EML6: variants seen among roughly 807,000 people sequenced by gnomAD.
The protein encoded by EML6 is EMAP like 6, also known as echinoderm microtubule-associated protein-like 6.
EML6 carries 154 observed loss-of-function variants against 240.1 expected under a neutral mutation model. The observed-to-expected ratio is 0.64, with a 90% confidence interval of 0.56 to 0.73. The LOEUF (loss-of-function observed/expected upper bound fraction) is 0.73. Among genes scored for constraint, EML6 ranks in the 30% least tolerant of loss-of-function variants. The pLI is 0.00. For synonymous variants in EML6, 1,148 were observed against 899.0 expected, an observed-to-expected ratio of 1.28 and a Z score of -4.95; for missense variants, 2,964 against 2,474.6, an observed-to-expected ratio of 1.20 and a Z score of -4.20.
intron 7 of EML6, among the ~76,000 whole-genome samples, chr2:54,837,868 A>G (rs1669236687): frequency 6.6e-6 from 1 of 152,162 alleles, no homozygotes. Context: ...TCTGGTGTAC[A>G]TTGAGGGTTG....
chr2:54,884,413 C>T (rs1375147984), intron 17 of EML6, among the ~76,000 whole-genome samples: 5 of 152,154 alleles, frequency 3.3e-5, no homozygotes, highest in African/African-American at 9.7e-5. Context: ...GATTGGTTTA[C>T]CAACTGGCGA....
chr2:54,754,500 A>G (rs1287999970), intron 2 of EML6, among the ~76,000 whole-genome samples: 1 of 152,182 alleles, frequency 6.6e-6, no homozygotes, highest in Admixed American at 6.5e-5. Flanking sequence ...GTGCCTCTTC[A>G]GGTCTTTTTG....
rs1449731069 is a variant in EML6, at chr2:54,892,738, C to T, written c.2742+82C>T. ...AGTCTTAGGATGGCCCAAGAGGATG[C>T]CTGTATCTAAAACAGGCCTGTCTGA... On this transcript the variant is annotated intron_variant, in intron 19 of 41. Coordinates refer to ENST00000356458, the MANE Select transcript of EML6 (RefSeq NM_001039753.4). 4 of 1,081,162 alleles carry T rather than the reference C, an allele frequency of 3.7e-6. No individual in the cohort carries two copies. In the African/African-American group the frequency reaches 4.8e-5, roughly 13 times the overall value. The allele number at this position is 1,081,162 out of a possible 1,614,324, so 67.0% of individuals were successfully genotyped here.
intron 2 of EML6, among the ~76,000 whole-genome samples, chr2:54,794,604 T>A (rs537635547): frequency 1.3e-5 from 2 of 152,256 alleles, no homozygotes; most frequent in South Asian, 4.2e-4. Context: ...TAATGTTTTT[T>A]CTAGGAAAAC....
chr2:54,780,997 A>G (rs975123644), intron 2 of EML6, among the ~76,000 whole-genome samples: 2 of 152,218 alleles, frequency 1.3e-5, no homozygotes, highest in Non-Finnish European at 2.9e-5. Context: ...TAAAAACGTG[A>G]AAGGTAATAC....
chr2:54,823,850 T>TCTCTCTCTCTCTCTCTCTCTCTC (rs1553387708), intron 5 of EML6, among the ~76,000 whole-genome samples: 7 of 72,262 alleles, frequency 9.7e-5, no homozygotes, highest in Non-Finnish European at 1.7e-4. Context: ...CATTCATTCA[T>TCTCTCTCTCTCTCTCTCTCTCTC]TCTCTCTCTC....
Position 54,869,332 on chromosome 2 carries a change from A to C in EML6, c.2203A>C (p.Ile735Leu), listed in dbSNP as rs1671135316. 6.4e-7 allele frequency: 1 copy of C among 1,551,638 alleles called. No homozygotes were observed. Among genetic ancestry groups the C allele is most frequent in the Non-Finnish European group, 8.7e-7 (1 of 1,146,930 alleles). The change falls in exon 15 of 42, where the codon ATC becomes CTC. Residue 735 changes from isoleucine to leucine, a missense_variant. By Grantham distance (5) the Ile-to-Leu change is conservative (BLOSUM62 2). Coordinates refer to ENST00000356458, the MANE Select transcript of EML6 (RefSeq NM_001039753.4). ...CGATGACGACATTCTCAGCCTGACC[A>C]TCCATCCAGTGAAGGACTATGTGGC... ...GHDDDILSLTIHPVKDYVATG... is the reference protein window; with the variant it reads ...GHDDDILSLTLHPVKDYVATG...
chr2:54,912,206 A>G (rs1673678807), intron 25 of EML6, among the ~76,000 whole-genome samples: 2 of 152,210 alleles, frequency 1.3e-5, no homozygotes, highest in Non-Finnish European at 1.5e-5. Flanking sequence ...AGATCATGGC[A>G]TTGTATTAAT....
chr2:54,923,665 C>T (rs1204952607), intron 26 of EML6, among the ~76,000 whole-genome samples: 1 of 152,106 alleles, frequency 6.6e-6, no homozygotes, highest in African/African-American at 2.4e-5. Flanking sequence ...AGTTGAAATA[C>T]ATAAATGTTC....
chr2:54,875,802 T>G (rs895934183), intron 16 of EML6, among the ~76,000 whole-genome samples: 1 of 152,212 alleles, frequency 6.6e-6, no homozygotes, highest in African/African-American at 2.4e-5. Flanking sequence ...AGGAAAGTGC[T>G]TCCATATGAA....
chr2:54,853,543 C>T, intron 10 of EML6, 100 bp from the exon 11 acceptor site: 1 of 786,652 alleles, frequency 1.3e-6, no homozygotes, highest in South Asian at 2.9e-5. Flanking sequence ...ATGTAGTTTT[C>T]TGTATTTACA....
chr2:54,804,345 A>G (rs961639889), intron 2 of EML6, among the ~76,000 whole-genome samples: 1 of 152,278 alleles, frequency 6.6e-6, no homozygotes, highest in Non-Finnish European at 1.5e-5. Flanking sequence ...AAGGATGACT[A>G]GCTCCAGAAA....
chr2:54,872,810 C>T (rs918043062), intron 16 of EML6, among the ~76,000 whole-genome samples: 1 of 152,252 alleles, frequency 6.6e-6, no homozygotes, highest in Non-Finnish European at 1.5e-5. Context: ...TAAGGTCAAG[C>T]TGGAAGTTTT....
In EML6 at chr2:54,823,878, T is replaced by TCTCTCTCTCCCTCTCTC. The variant is rs60937620; in HGVS notation, c.525+3416_525+3417insCTCTCTCTCCCTCTCTC. ...TCTCTCTCTCTCTCTCTCTCTCTCTTTCTGTCTCTCTCTCTCTCTCTCAGA... is the reference window on the plus strand; with the variant it reads ...TCTCTCTCTCTCTCTCTCTCTCTCTTCTCTCTCTCCCTCTCTCTCTGTCTCTCTCTCTCTCTCTCAGA... On this transcript the variant is annotated intron_variant, in intron 5 of 41. Transcript: ENST00000356458. Among the ~76,000 whole-genome samples, 5 of 129,124 alleles carry TCTCTCTCTCCCTCTCTC rather than the reference T, an allele frequency of 3.9e-5. No homozygotes were observed. In the Admixed American group the frequency reaches 3.9e-4, roughly 10 times the overall value. The allele number at this position is 129,124 out of a possible 152,430, so 84.7% of individuals were successfully genotyped here.
At chr2:54,882,447 G>C (rs150777721) in intron 17 of EML6, 1 of 151,982 alleles carries the variant, frequency 6.6e-6, no homozygotes, top group Non-Finnish European at 1.5e-5. Context: ...CTTTATTTGT[G>C]CTTGTGTTAC....
chr2:54,942,957 C>A (rs1275659347), intron 28 of EML6, among the ~76,000 whole-genome samples: 1 of 152,186 alleles, frequency 6.6e-6, no homozygotes, highest in Non-Finnish European at 1.5e-5. Context: ...CCCCTACATT[C>A]CTCCTACCAC....
chr2:54,943,617 C>G (rs954826798), intron 28 of EML6, among the ~76,000 whole-genome samples: 14 of 152,124 alleles, frequency 9.2e-5, no homozygotes, highest in Admixed American at 7.9e-4. Flanking sequence ...ACCCCTGAGT[C>G]CAGTGACTCT....
chr2:54,870,177 C>T (rs140126435), intron 15 of EML6, among the ~76,000 whole-genome samples: 4 of 152,272 alleles, frequency 2.6e-5, no homozygotes, highest in African/African-American at 9.6e-5. Flanking sequence ...AGCCCTTTTC[C>T]TGAGACTCGA....
At chr2:54,726,091 G>A (rs1328152212) in intron 2 of EML6, among the ~76,000 whole-genome samples, 1 of 152,204 alleles carries the variant, frequency 6.6e-6, no homozygotes, top group Non-Finnish European at 1.5e-5. Flanking sequence ...CAGCTTTTAT[G>A]TGAGCAAACA....
Sources: allele counts gnomAD v4.1 joint callset (sites outside exome capture counted in the v4.1 genomes callset), GRCh38; gene constraint gnomAD v4.1.1; transcripts MANE v1.5; gene names NCBI Gene and HGNC (gene_info 2026-07-23, HGNC 2026-07-21).